Variants in AGMO observed in about 807,000 individuals in gnomAD.
The protein encoded by AGMO is alkylglycerol monooxygenase.
In AGMO, 75 loss-of-function variants were observed where a neutral mutation model predicts 60.2. That is an observed-to-expected ratio of 1.25 (90% CI 1.03 to 1.51). AGMO has a LOEUF of 1.51. AGMO is among the 40% of genes most tolerant of loss of function. The pLI is 0.00. For synonymous variants in AGMO, 261 were observed against 177.1 expected, an observed-to-expected ratio of 1.47 and a Z score of -3.76; for missense variants, 763 against 525.5, an observed-to-expected ratio of 1.45 and a Z score of -4.42.
chr7:15,190,745 T>C, the AGMO span, among the ~76,000 whole-genome samples: 2 of 152,166 alleles, frequency 1.3e-5, no homozygotes, highest in African/African-American at 2.4e-5. Context: ...GAAAGAGTTT[T>C]ATTACTTTAA....
At chr7:15,136,628 C>T in the AGMO span, among the ~76,000 whole-genome samples, 6 of 152,004 alleles carry the variant, frequency 3.9e-5, no homozygotes, top group African/African-American at 1.4e-4. Context: ...AAGTTTTCTG[C>T]ATGAAGGAAA....
Position 15,385,422 on chromosome 7 carries a change from CTACTTAAAATGGATAT to C in AGMO, c.1074+8_1074+23del. 1 of 1,379,642 alleles carries C rather than the reference CTACTTAAAATGGATAT, an allele frequency of 7.2e-7. No homozygotes were observed. The allele number at this position is 1,379,642 out of a possible 1,614,324, so 85.5% of individuals were successfully genotyped here. ...CAAAGTAACAGATAATGTTCTCACA[CTACTTAAAATGGATAT>C]TACTTACAGCTGTATCTGCAAAGGT... On this transcript the variant is annotated splice_region_variant and intron_variant, in intron 10 of 12. Coordinates refer to ENST00000342526, the MANE Select transcript of AGMO (RefSeq NM_001004320.2).
At chr7:15,525,629 A>T (rs2128537961) in intron 3 of AGMO, among the ~76,000 whole-genome samples, 1 of 152,210 alleles carries the variant, frequency 6.6e-6, no homozygotes, top group East Asian at 1.9e-4. Flanking sequence ...TGGATGCAGG[A>T]CAAGAACTCA....
At chr7:15,518,033 G>A (rs1783868628) in intron 3 of AGMO, among the ~76,000 whole-genome samples, 1 of 152,156 alleles carries the variant, frequency 6.6e-6, no homozygotes, top group African/African-American at 2.4e-5. Flanking sequence ...TTTTCACAGT[G>A]TAAAAAAGCC....
chr7:15,290,179 G>A lies in AGMO; in HGVS notation c.1263+75335C>T, dbSNP rs906702974. On this transcript the variant is annotated intron_variant, in intron 12 of 12. Transcript: ENST00000342526. Reference sequence around the variant, plus strand: ...TGAGTAGCTGGGATTAGAGGTATGCGCCACACACCTGGCTAATTTTTGTAT... The same window carrying A: ...TGAGTAGCTGGGATTAGAGGTATGCACCACACACCTGGCTAATTTTTGTAT... 4.6e-5 allele frequency among the ~76,000 whole-genome samples: 7 copies of A among 151,500 alleles called. No homozygotes were observed. In the East Asian group the frequency reaches 9.7e-4, roughly 21 times the overall value.
intron 3 of AGMO, among the ~76,000 whole-genome samples, chr7:15,457,002 T>G (rs143042746): frequency 6.5e-4 from 99 of 152,302 alleles, no homozygotes; most frequent in African/African-American, 2.0e-3. Flanking sequence ...CCATATTTAT[T>G]GGAAGCCAGT....
At chr7:15,471,285 A>C (rs2128512606) in intron 3 of AGMO, among the ~76,000 whole-genome samples, 1 of 152,092 alleles carries the variant, frequency 6.6e-6, no homozygotes, top group Non-Finnish European at 1.5e-5. Flanking sequence ...TCTGAAGTAT[A>C]GAACTCTAAA....
At chr7:15,211,458 T>TTATGCC (rs1781586714) in intron 12 of AGMO, among the ~76,000 whole-genome samples, 3 of 151,994 alleles carry the variant, frequency 2.0e-5, no homozygotes, top group Admixed American at 2.0e-4. Flanking sequence ...TTCTGCAAAG[T>TTATGCC]GGCATAAAAC....
chr7:15,510,960 C>A (rs1266834288), intron 3 of AGMO, among the ~76,000 whole-genome samples: 3 of 150,020 alleles, frequency 2.0e-5, no homozygotes, highest in Non-Finnish European at 3.0e-5. Context: ...AAACAAGTTC[C>A]TATGGCTTAT....
intron 12 of AGMO, among the ~76,000 whole-genome samples, chr7:15,281,340 T>C (rs1056718170): frequency 6.6e-6 from 1 of 152,178 alleles, no homozygotes; most frequent in African/African-American, 2.4e-5. Flanking sequence ...GAGCTTGGCA[T>C]GGGTTTACCT....
At chr7:15,505,521 T>A (rs1783491265) in intron 3 of AGMO, among the ~76,000 whole-genome samples, 1 of 152,018 alleles carries the variant, frequency 6.6e-6, no homozygotes, top group African/African-American at 2.4e-5. Context: ...GAACACAAAG[T>A]CTGTGTCACT....
intron 10 of AGMO, among the ~76,000 whole-genome samples, chr7:15,377,783 A>C (rs920444232): frequency 6.6e-6 from 1 of 152,138 alleles, no homozygotes; most frequent in East Asian, 1.9e-4. Flanking sequence ...GAACATATTA[A>C]GTTAATATAT....
intron 12 of AGMO, among the ~76,000 whole-genome samples, chr7:15,257,560 C>T (rs1156978057): frequency 6.6e-6 from 1 of 152,158 alleles, no homozygotes; most frequent in Non-Finnish European, 1.5e-5. Context: ...GATTCTTTTG[C>T]AATTTTTCCC....
At chr7:15,525,865 C>T (rs572352812) in intron 3 of AGMO, among the ~76,000 whole-genome samples, 34 of 152,292 alleles carry the variant, frequency 2.2e-4, no homozygotes, top group African/African-American at 7.5e-4. Flanking sequence ...TGTAACACAC[C>T]CTCTGGGGCC....
Position 15,461,809 on chromosome 7 carries a change from T to C in AGMO, c.410-30701A>G, listed in dbSNP as rs77132477. On this transcript the variant is annotated intron_variant, in intron 3 of 12. Coordinates refer to ENST00000342526, the MANE Select transcript of AGMO (RefSeq NM_001004320.2). ...ACACATGTATATACTTGAAGAAGTA[T>C]AGTGCAAATTCCCAGGGCTCCTGGG... 2.6e-3 allele frequency among the ~76,000 whole-genome samples: 393 copies of C among 152,202 alleles called. 3 individuals are homozygous for C. The highest frequency in any genetic ancestry group is 8.9e-3 in the African/African-American group (370 of 41,556).
chr7:15,459,019 A>G (rs941087441), intron 3 of AGMO, among the ~76,000 whole-genome samples: 4 of 152,206 alleles, frequency 2.6e-5, no homozygotes, highest in African/African-American at 9.6e-5. Flanking sequence ...TCTAATGCAT[A>G]TAGAACCCCT....
intron 12 of AGMO, among the ~76,000 whole-genome samples, chr7:15,331,373 A>G (rs1216133882): frequency 6.6e-6 from 1 of 152,180 alleles, no homozygotes; most frequent in Non-Finnish European, 1.5e-5. Context: ...CAGGGATAAT[A>G]TATTTGTGGT....
the AGMO span, among the ~76,000 whole-genome samples, chr7:15,119,189 G>A: frequency 5.9e-5 from 9 of 151,664 alleles, no homozygotes; most frequent in South Asian, 2.1e-4. Context: ...AATGCTGGTC[G>A]TGGGCCCTGG....
intron 2 of AGMO, among the ~76,000 whole-genome samples, chr7:15,557,948 C>T (rs1002184881): frequency 6.6e-6 from 1 of 151,702 alleles, no homozygotes; most frequent in African/African-American, 2.4e-5. Flanking sequence ...GGAAAAGAAC[C>T]TCATGTTCTA....
Sources: gnomAD v4.1 joint callset for allele counts (sites outside exome capture counted in the v4.1 genomes callset) on GRCh38, gnomAD v4.1.1 for gene constraint, MANE v1.5 for transcripts, NCBI Gene and HGNC (gene_info 2026-07-23, HGNC 2026-07-21) for gene names.